NEO1: variants seen among roughly 807,000 people sequenced by gnomAD.
NEO1 encodes the protein neogenin.
A neutral mutation model predicts 159.7 loss-of-function variants in NEO1; 63 were observed. The observed-to-expected ratio is 0.39, with a 90% confidence interval of 0.32 to 0.49. The LOEUF is 0.49. Ranked by LOEUF, NEO1 falls within the 20% of genes least tolerant of loss-of-function variation. The pLI is 0.85. For synonymous variants in NEO1, 633 were observed against 662.0 expected (o/e 0.96, Z 0.67); for missense variants, 1,615 against 1,831.0 (o/e 0.88, Z 2.15).
chr15:73,178,372 T>C lies in NEO1; in HGVS notation c.1236T>C (p.Ala412=). The change falls in exon 7 of 29, where the codon GCT becomes GCC. Residue 412 remains alanine, a synonymous_variant. Transcript: ENST00000261908. The part of the protein sequence containing the change: ...KSDEGFYQCI[A]ENDVGNAQAG... ...ATGAAGGGTTCTATCAGTGCATTGC[T>C]GAAAATGATGTTGGAAATGCACAAG... 6.2e-7 allele frequency: 1 copy of C among 1,613,862 alleles called. No individual in the cohort carries two copies.
At chr15:73,226,567 T>A (rs1249650968) in intron 7 of NEO1, among the ~76,000 whole-genome samples, 3 of 152,186 alleles carry the variant, frequency 2.0e-5, no homozygotes. Flanking sequence ...CAAATTTGAT[T>A]GTTGTTCTCT....
In NEO1 at chr15:73,206,864, TG is replaced by T. The variant is rs2037266629; in HGVS notation, c.1291+28438del. Reference sequence around the variant, plus strand: ...GTGTGTGTGCGTGTGTGTGTGTGTGTGTTTAGAGAGACAGGGTTTCACTTTG... The same window carrying T: ...GTGTGTGTGCGTGTGTGTGTGTGTGTTTTAGAGAGACAGGGTTTCACTTTG... On this transcript the variant is annotated intron_variant, in intron 7 of 28. Transcript: ENST00000261908. 2.0e-5 allele frequency among the ~76,000 whole-genome samples: 3 copies of T among 152,112 alleles called. No individual in the cohort carries two copies. The South Asian group carries it at 6.2e-4, about 32-fold the overall frequency.
At chr15:73,069,414 C>CT (rs1173712054) in intron 1 of NEO1, among the ~76,000 whole-genome samples, 100 of 144,310 alleles carry the variant, frequency 6.9e-4, no homozygotes, top group African/African-American at 1.8e-3. Context: ...GGCCAAGAGA[C>CT]TTTTTTTTTT....
chr15:73,104,136 A>G (rs2070552142), intron 1 of NEO1, among the ~76,000 whole-genome samples: 1 of 152,322 alleles, frequency 6.6e-6, no homozygotes, highest in South Asian at 2.1e-4. Flanking sequence ...TGCTGGGATT[A>G]CAGGTGTGAG....
chr15:73,283,249 T>G, intron 23 of NEO1, 138 bp downstream of exon 23: 1 of 1,056,040 alleles, frequency 9.5e-7, no homozygotes, highest in Non-Finnish European at 1.4e-6. Flanking sequence ...TAAAAGAAAA[T>G]GGGAAGTGGT....
intron 1 of NEO1, among the ~76,000 whole-genome samples, chr15:73,083,455 A>G (rs2069181114): frequency 6.6e-6 from 1 of 152,020 alleles, no homozygotes; most frequent in South Asian, 2.1e-4. Flanking sequence ...TATAAAACAC[A>G]GTTTGGTCCT....
chr15:73,206,553 G>C (rs1215171212), intron 7 of NEO1, among the ~76,000 whole-genome samples: 2 of 152,130 alleles, frequency 1.3e-5, no homozygotes, highest in Admixed American at 6.5e-5. Flanking sequence ...AGAAGCAGCA[G>C]TATTTCTGGC....
At chr15:73,227,499 C>T (rs1300085552) in intron 7 of NEO1, among the ~76,000 whole-genome samples, 3 of 152,058 alleles carry the variant, frequency 2.0e-5, no homozygotes, top group Non-Finnish European at 2.9e-5. Context: ...CAAAAACAAA[C>T]AAACAAAAAA....
intron 11 of NEO1, among the ~76,000 whole-genome samples, chr15:73,250,288 T>A (rs570654172): frequency 2.0e-5 from 3 of 152,202 alleles, no homozygotes; most frequent in East Asian, 3.9e-4. Context: ...TTAAAAAAAA[T>A]ATATTTTTAG....
intron 1 of NEO1, among the ~76,000 whole-genome samples, chr15:73,097,415 C>T (rs912181456): frequency 1.6e-5 from 2 of 125,008 alleles, no homozygotes; most frequent in Non-Finnish European, 3.1e-5. Context: ...GGCTGGAGTG[C>T]AGTGGTGCAG....
intron 14 of NEO1, 36 bp downstream of exon 14, chr15:73,258,912 G>T (rs1175970210): frequency 1.3e-6 from 2 of 1,529,508 alleles, no homozygotes; most frequent in Admixed American, 3.3e-5. Flanking sequence ...GAACACAATA[G>T]ATACTAGCTG....
At chr15:73,278,463 GAGTT>G (rs1465998210) in intron 22 of NEO1, among the ~76,000 whole-genome samples, 1 of 152,192 alleles carries the variant, frequency 6.6e-6, no homozygotes, top group Non-Finnish European at 1.5e-5. Flanking sequence ...CTCTAGAAAA[GAGTT>G]AGAGTTTCGC....
intron 7 of NEO1, among the ~76,000 whole-genome samples, chr15:73,216,884 G>A (rs1390285230): frequency 6.6e-6 from 1 of 152,118 alleles, no homozygotes; most frequent in Admixed American, 6.5e-5. Flanking sequence ...TAGGTTGCCT[G>A]TTCACTCTGA....
intron 1 of NEO1, among the ~76,000 whole-genome samples, chr15:73,095,295 T>G (rs1330920351): frequency 6.6e-6 from 1 of 152,152 alleles, no homozygotes; most frequent in Non-Finnish European, 1.5e-5. Flanking sequence ...GATTTTTACA[T>G]TTTGAAAGTG....
rs141879870 is a variant in NEO1, at chr15:73,272,018, G to C, written c.2858-437G>C. 5.7e-3 allele frequency among the ~76,000 whole-genome samples: 862 copies of C among 152,200 alleles called. 5 individuals are homozygous for C. The highest frequency in any genetic ancestry group is 0.051 in the Middle Eastern group (15 of 294). Reference sequence around the variant, plus strand: ...CTAACAAAATAATCCAGTGTGACAGGGAAGAAGTCATCTTGGACGAATTAC... The same window carrying C: ...CTAACAAAATAATCCAGTGTGACAGCGAAGAAGTCATCTTGGACGAATTAC... On this transcript the variant is annotated intron_variant, in intron 18 of 28. Transcript: ENST00000261908.
chr15:73,278,916 T>C (rs1257904126), intron 22 of NEO1, among the ~76,000 whole-genome samples: 2 of 152,226 alleles, frequency 1.3e-5, no homozygotes, highest in Admixed American at 6.5e-5. Context: ...CAGTGGGTGC[T>C]GTACCAGACG....
rs1481210241 is a variant in NEO1, at chr15:73,225,427, G to T, written c.1292-10920G>T. On this transcript the variant is annotated intron_variant, in intron 7 of 28. Transcript: ENST00000261908. ...GAGTAGGAAAGGACCATCAGGAGGGGGCGGGGCTAGATGGTGTCTGAGCTC... is the reference window on the plus strand; with the variant it reads ...GAGTAGGAAAGGACCATCAGGAGGGTGCGGGGCTAGATGGTGTCTGAGCTC... Among the ~76,000 whole-genome samples, 4 of 152,060 alleles carry T rather than the reference G, an allele frequency of 2.6e-5. No homozygotes were observed. In the East Asian group the frequency reaches 7.7e-4, roughly 29 times the overall value.
chr15:73,058,433 C>T (rs950363230), intron 1 of NEO1, among the ~76,000 whole-genome samples: 1 of 152,148 alleles, frequency 6.6e-6, no homozygotes, highest in African/African-American at 2.4e-5. Context: ...GTTCTTTATT[C>T]CTCTGCATTC....
chr15:73,126,758 T>C, intron 4 of NEO1, 188 bp downstream of exon 4: 1 of 510,638 alleles, frequency 2.0e-6, no homozygotes, highest in East Asian at 3.4e-5. Context: ...AAAGATACTT[T>C]CAAAATATTA....
Sources: gnomAD v4.1 joint callset for allele counts (sites outside exome capture counted in the v4.1 genomes callset) on GRCh38, gnomAD v4.1.1 for gene constraint, MANE v1.5 for transcripts, NCBI Gene and HGNC (gene_info 2026-07-23, HGNC 2026-07-21) for gene names.